PRKCZ: variants seen among roughly 807,000 people sequenced by gnomAD.
PRKCZ encodes protein kinase C zeta type.
PRKCZ carries 33 observed loss-of-function variants against 79.5 expected under a neutral mutation model. That is an observed-to-expected ratio of 0.41 (90% CI 0.31 to 0.55). The LOEUF (loss-of-function observed/expected upper bound fraction) is 0.55, where lower values mean the gene tolerates loss of function less well. PRKCZ is among the 20% of genes least tolerant of loss of function. The pLI is 0.19. For synonymous variants in PRKCZ, 342 were observed against 320.9 expected (o/e 1.07, Z -0.70); for missense variants, 578 against 813.5 (o/e 0.71, Z 3.52).
chr1:2,106,564 T>C lies in PRKCZ; in HGVS notation c.335-28698T>C, dbSNP rs141044464. Among the ~76,000 whole-genome samples, 51 of 22,350 alleles carry C rather than the reference T, an allele frequency of 2.3e-3. 2 individuals carry two copies. Among genetic ancestry groups the C allele is most frequent in the Admixed American group, 7.2e-3 (13 of 1,798 alleles). The allele number at this position is 22,350 out of a possible 152,430, so 14.7% of individuals were successfully genotyped here. Reference sequence around the variant, plus strand: ...CCTCCACACGTGTCACCAGGCCAGGTAACTCTCAGCAAGCCCCTCCAGTGG... The same window carrying C: ...CCTCCACACGTGTCACCAGGCCAGGCAACTCTCAGCAAGCCCCTCCAGTGG... On this transcript the variant is annotated intron_variant, in intron 4 of 17. Coordinates refer to ENST00000378567, the MANE Select transcript of PRKCZ (RefSeq NM_002744.6).
chr1:2,160,151 A>G (rs975897918), intron 10 of PRKCZ, among the ~76,000 whole-genome samples: 3 of 152,182 alleles, frequency 2.0e-5, no homozygotes, highest in Non-Finnish European at 4.4e-5. Context: ...AGCGCTTCTC[A>G]GGCCGTGCAC....
rs139144895 is a variant in PRKCZ at position 2,164,286 on chromosome 1, G to A, written c.975-5232G>A. ...ACAACCTGCTGGGAGGCCAGGGAGC[G>A]TAAAGAGAGACAGGGACCCTTTATT... On this transcript the variant is annotated intron_variant, in intron 10 of 17. Transcript: ENST00000378567. Among the ~76,000 whole-genome samples the A allele has an allele frequency of 1.4e-4, 19 of 138,180 alleles. No homozygotes were observed. The Middle Eastern group carries it at 0.014, about 105-fold the overall frequency. 90.7% of individuals were successfully genotyped at this position (138,180 alleles called of 152,430 possible).
intron 4 of PRKCZ, among the ~76,000 whole-genome samples, chr1:2,119,405 G>T (rs1313021658): frequency 6.6e-6 from 1 of 151,578 alleles, no homozygotes; most frequent in Non-Finnish European, 1.5e-5. Flanking sequence ...AGTAGAGGCA[G>T]GGTTTCACCA....
intron 4 of PRKCZ, among the ~76,000 whole-genome samples, chr1:2,070,971 C>T (rs2102301522): frequency 6.6e-6 from 1 of 150,836 alleles, no homozygotes; most frequent in South Asian, 2.1e-4. Flanking sequence ...GGGTCCTTGG[C>T]CGGGACACCA....
intron 4 of PRKCZ, among the ~76,000 whole-genome samples, chr1:2,116,463 T>C (rs1335164112): frequency 2.0e-5 from 3 of 152,174 alleles, no homozygotes; most frequent in Non-Finnish European, 4.4e-5. Context: ...GCTGTGTGTG[T>C]TTTAGAGACA....
chr1:2,144,314 C>T lies in PRKCZ; in HGVS notation c.525C>T (p.Leu175=), dbSNP rs750794502. 18 of 1,576,148 alleles carry T rather than the reference C, an allele frequency of 1.1e-5. No individual in the cohort carries two copies. Among genetic ancestry groups the T allele is most frequent in the Middle Eastern group, 1.7e-4 (1 of 6,036 alleles). The change falls in exon 6 of 18, where the codon CTC becomes CTT. Residue 175 remains leucine, a synonymous_variant. Transcript: ENST00000378567. ...KLLVHKRCHG[L]VPLTCRKHMD... is the part of the protein sequence containing the mutation. ...TGGTCCATAAGCGCTGCCACGGCCT[C>T]GTCCCGCTGACCTGCAGGAAGCATA...
chr1:2,109,152 G>A (rs550803813), intron 4 of PRKCZ, among the ~76,000 whole-genome samples: 263 of 152,316 alleles, frequency 1.7e-3, no homozygotes, highest in African/African-American at 6.0e-3. Flanking sequence ...CGTATGCCAC[G>A]GAAGGTGACA....
At chr1:2,164,133 G>A (rs971193700) in intron 10 of PRKCZ, among the ~76,000 whole-genome samples, 2 of 152,234 alleles carry the variant, frequency 1.3e-5, no homozygotes, top group South Asian at 4.2e-4. Context: ...TTTTATTTAG[G>A]ATTTTTTTTG....
intron 16 of PRKCZ, 190 bp from the exon 17 acceptor site, chr1:2,184,393 A>AATTTTTCTGACTTTGGAT: frequency 1.8e-6 from 1 of 557,086 alleles, no homozygotes; most frequent in Non-Finnish European, 3.2e-6. Context: ...GCTCGACAAC[A>AATTTTTCTGACTTTGGAT]ATTTTTCTGA....
chr1:2,176,424 AGTC>A, intron 16 of PRKCZ, among the ~76,000 whole-genome samples: 1 of 152,200 alleles, frequency 6.6e-6, no homozygotes, highest in African/African-American at 2.4e-5. Flanking sequence ...TGGGAAGCGC[AGTC>A]TCCACCTAGG....
In PRKCZ at chr1:2,090,615, C is replaced by G. The variant is rs1665325307; in HGVS notation, c.334+31024C>G. Among the ~76,000 whole-genome samples, 3 of 152,232 alleles carry G rather than the reference C, an allele frequency of 2.0e-5. No individual in the cohort carries two copies. In the South Asian group the frequency reaches 6.2e-4, roughly 31 times the overall value. ...AACACCAGTGCTTCTCCAAGGAGGCCCCGTGCACATGTAGGAATGAAGCCC... is the reference window on the plus strand; with the variant it reads ...AACACCAGTGCTTCTCCAAGGAGGCGCCGTGCACATGTAGGAATGAAGCCC... On this transcript the variant is annotated intron_variant, in intron 4 of 17. Coordinates refer to ENST00000378567, the MANE Select transcript of PRKCZ (RefSeq NM_002744.6).
rs760400823 is a variant in PRKCZ at position 2,184,621 on chromosome 1, G to C, written c.1614G>C (p.Gln538His). 1 of 1,614,110 alleles carries C rather than the reference G, an allele frequency of 6.2e-7. No individual in the cohort carries two copies. The highest frequency in any genetic ancestry group is 2.2e-5 in the East Asian group (1 of 44,888). The change falls in exon 17 of 18, where the codon CAG becomes CAC. Residue 538 changes from glutamine (Q) to histidine (H), a missense_variant. Physicochemically the swap from Gln to His is conservative, Grantham distance 24 (BLOSUM62 0). This residue lies in a region of PRKCZ where 243 missense variants were observed against 467.0 expected (regional missense o/e 0.52). Transcript: ENST00000378567. ...KKQALPPFQPQITDDYGLDNF... is the reference protein window; with the variant it reads ...KKQALPPFQPHITDDYGLDNF... Reference sequence around the variant, plus strand: ...AGGCGCTCCCTCCATTCCAGCCACAGATCACAGACGACTACGGTCTGGACA... The same window carrying C: ...AGGCGCTCCCTCCATTCCAGCCACACATCACAGACGACTACGGTCTGGACA...
intron 11 of PRKCZ, chr1:2,171,713 C>A (rs1324705783): frequency 4.2e-6 from 1 of 235,948 alleles, no homozygotes; most frequent in Non-Finnish European, 8.3e-6. Context: ...TCCGCAGCAG[C>A]GGCGCTGTTC....
At chr1:2,184,212 A>C (rs1687181055) in intron 16 of PRKCZ, 1 of 245,340 alleles carries the variant, frequency 4.1e-6, no homozygotes, top group African/African-American at 2.3e-5. Flanking sequence ...CAGGTCCTAC[A>C]CCTTTATGGT....
At chr1:2,059,886 T>C (rs964847173) in intron 4 of PRKCZ, among the ~76,000 whole-genome samples, 3 of 152,316 alleles carry the variant, frequency 2.0e-5, no homozygotes, top group Non-Finnish European at 4.4e-5. Context: ...GGCTGGACAC[T>C]GCTCCTTTGT....
Position 2,172,618 on chromosome 1 carries a change from C to T in PRKCZ, c.1285+230C>T, listed in dbSNP as rs1192772831. Among the ~76,000 whole-genome samples, 3 of 152,226 alleles carry T rather than the reference C, an allele frequency of 2.0e-5. No homozygotes were observed. The highest frequency in any genetic ancestry group is 6.5e-5 in the Admixed American group (1 of 15,282). On this transcript the variant is annotated intron_variant, in intron 13 of 17. Coordinates refer to ENST00000378567, the MANE Select transcript of PRKCZ (RefSeq NM_002744.6). The surrounding 1 kb of genome is among the most constrained non-coding windows in gnomAD (Gnocchi z 7.8). ...GGGAGGGCACTGCACAGGATTCCTC[C>T]TGCCAGGGAGCCCCGGGGCACAGGG...
chr1:2,069,236 T>C (rs1342658805), intron 4 of PRKCZ, among the ~76,000 whole-genome samples: 1 of 152,142 alleles, frequency 6.6e-6, no homozygotes, highest in Non-Finnish European at 1.5e-5. Context: ...GCCTTTGGCC[T>C]CTCCGGACCC....
chr1:2,114,580 C>G (rs1670367623), intron 4 of PRKCZ, among the ~76,000 whole-genome samples: 1 of 152,108 alleles, frequency 6.6e-6, no homozygotes, highest in South Asian at 2.1e-4. Context: ...TTGAGACCAT[C>G]CTGGCTAACA....
chr1:2,102,498 A>C (rs1667623389), intron 4 of PRKCZ, among the ~76,000 whole-genome samples: 1 of 151,288 alleles, frequency 6.6e-6, no homozygotes, highest in Non-Finnish European at 1.5e-5. Context: ...ACGTCCCGCT[A>C]ATTTTTTGTA....
Sources: allele counts gnomAD v4.1 joint callset (sites outside exome capture counted in the v4.1 genomes callset), GRCh38; gene constraint gnomAD v4.1.1; regional missense constraint gnomAD v4.1.1; non-coding constraint Gnocchi (gnomAD v3.1); transcripts MANE v1.5; gene names NCBI Gene and HGNC (gene_info 2026-07-23, HGNC 2026-07-21).